GRK4: variants seen among roughly 807,000 people sequenced by gnomAD.
GRK4 encodes G protein-coupled receptor kinase 4, also known as G protein-coupled receptor kinase 2-like.
Under a neutral mutation model 77.9 loss-of-function variants are expected in GRK4, and 73 were observed. That is an observed-to-expected ratio of 0.94 (90% CI 0.78 to 1.14). GRK4 has a LOEUF of 1.14. Among genes scored for constraint, GRK4 ranks in the 50% most tolerant of loss-of-function variants. The probability of loss-of-function intolerance (pLI) is 0.00; values close to 1 mark genes in which losing one functional copy is unlikely to be tolerated. For synonymous variants in GRK4, 257 were observed against 254.4 expected (o/e 1.01, Z -0.10); for missense variants, 729 against 700.2 (o/e 1.04, Z -0.46).
chr4:2,990,228 ATTCTTC>A (rs1413330936), intron 3 of GRK4, among the ~76,000 whole-genome samples: 1 of 114,934 alleles, frequency 8.7e-6, no homozygotes. Flanking sequence ...GAATAAGGTG[ATTCTTC>A]TTCTTCTTCT....
intron 4 of GRK4, among the ~76,000 whole-genome samples, chr4:2,999,185 A>G (rs933777930): frequency 2.0e-5 from 3 of 152,186 alleles, no homozygotes; most frequent in South Asian, 2.1e-4. Flanking sequence ...AAGGAGTCCA[A>G]TCTAGTGAGA....
chr4:2,980,526 T>C lies in GRK4; in HGVS notation c.53-3987T>C, dbSNP rs561040177. 2.4e-4 allele frequency among the ~76,000 whole-genome samples: 36 copies of C among 151,684 alleles called. 1 individual carries two copies. The South Asian group carries it at 7.5e-3, about 32-fold the overall frequency. On this transcript the variant is annotated intron_variant, in intron 1 of 15. Coordinates refer to ENST00000398052, the MANE Select transcript of GRK4 (RefSeq NM_182982.3). ...CCTACTAGATGCTGAGATCTCAATG[T>C]GCAAATACCCCAGAACAGCACCTAG...
chr4:2,985,904 C>T (rs902062966), intron 2 of GRK4: 1 of 151,158 alleles, frequency 6.6e-6, no homozygotes, highest in Non-Finnish European at 1.4e-5. Flanking sequence ...GAAGCTGAGG[C>T]AGGAGAATGG....
intron 12 of GRK4, among the ~76,000 whole-genome samples, chr4:3,033,981 G>C (rs753352240): frequency 6.6e-6 from 1 of 152,260 alleles, no homozygotes; most frequent in Non-Finnish European, 1.5e-5. Context: ...GGGTATCACA[G>C]TGGGCCAGAG....
intron 1 of GRK4, among the ~76,000 whole-genome samples, chr4:2,964,735 G>A (rs1049462822): frequency 1.3e-5 from 2 of 152,176 alleles, no homozygotes; most frequent in Non-Finnish European, 2.9e-5. Flanking sequence ...TTTAAAAATA[G>A]TAATAAGTAC....
rs1731571039 is a variant in GRK4, at chr4:3,007,142, CAT to C, written c.444-593_444-592del. On this transcript the variant is annotated intron_variant, in intron 5 of 15. Transcript: ENST00000398052. ...GCTTGAGGCCAGGAGTTCAAGGCTGCATTGAGCCATGATTGTGCCATTGCACT... is the reference window on the plus strand; with the variant it reads ...GCTTGAGGCCAGGAGTTCAAGGCTGCTGAGCCATGATTGTGCCATTGCACT... 3.3e-5 allele frequency among the ~76,000 whole-genome samples: 5 copies of C among 152,166 alleles called. No homozygotes were observed. In the South Asian group the frequency reaches 1.0e-3, roughly 32 times the overall value.
At chr4:3,038,653 G>A (rs2110103431) in intron 15 of GRK4, 140 bp downstream of exon 15, 2 of 856,774 alleles carry the variant, frequency 2.3e-6, no homozygotes, top group Non-Finnish European at 3.5e-6. Context: ...GAGCCACATG[G>A]TGCTAGGTGG....
chr4:2,997,768 C>T (rs1728357213), intron 4 of GRK4, among the ~76,000 whole-genome samples: 1 of 151,818 alleles, frequency 6.6e-6, no homozygotes, highest in Non-Finnish European at 1.5e-5. Context: ...ATTAGCCGGC[C>T]ATGGTGGTGC....
At chr4:2,965,500 C>T (rs1717366828) in intron 1 of GRK4, 6 of 702,162 alleles carry the variant, frequency 8.5e-6, no homozygotes, top group Non-Finnish European at 1.6e-5. Flanking sequence ...TGCTCCAGGA[C>T]AGTGTAAATG....
intron 12 of GRK4, among the ~76,000 whole-genome samples, chr4:3,034,319 T>C (rs887746555): frequency 6.6e-6 from 1 of 152,172 alleles, no homozygotes; most frequent in African/African-American, 2.4e-5. Context: ...GGACTTTGAG[T>C]TGGCCAGGGA....
rs1262940451 is a variant in GRK4, at chr4:3,004,223, G to A, written c.340-8G>A. The A allele has an allele frequency of 2.5e-6, 4 of 1,589,680 alleles. No homozygotes were observed. The highest frequency in any genetic ancestry group is 1.1e-5 in the South Asian group (1 of 90,614). On this transcript the variant is annotated splice_polypyrimidine_tract_variant and splice_region_variant and intron_variant, in intron 4 of 15. Transcript: ENST00000398052. ...AATGGTTATGTATTTGGTTTGTACT[G>A]TATTAAGTTGGCAGCCCCTTTACCA...
chr4:3,015,155 T>TA (rs1404729687), intron 8 of GRK4, among the ~76,000 whole-genome samples: 1 of 152,168 alleles, frequency 6.6e-6, no homozygotes, highest in Non-Finnish European at 1.5e-5. Context: ...GTGCATTGTA[T>TA]AGTGTGGTTC....
At chr4:3,006,546 A>T (rs1330082437) in intron 5 of GRK4, among the ~76,000 whole-genome samples, 1 of 151,978 alleles carries the variant, frequency 6.6e-6, no homozygotes, top group African/African-American at 2.4e-5. Context: ...TTGGGAGGCC[A>T]AGGCAGAAGG....
chr4:2,983,775 G>T (rs141624839), intron 1 of GRK4, among the ~76,000 whole-genome samples: 2,732 of 152,206 alleles, frequency 0.018, 80 homozygotes, highest in African/African-American at 0.061. Flanking sequence ...CTGAGACTGG[G>T]TAATTTATAA....
intron 1 of GRK4, among the ~76,000 whole-genome samples, chr4:2,981,177 C>G (rs1722756971): frequency 6.6e-6 from 1 of 152,238 alleles, no homozygotes; most frequent in Non-Finnish European, 1.5e-5. Flanking sequence ...GGTCCTAAGT[C>G]TCGGCTCCCC....
chr4:2,980,769 TCAC>T (rs1386398599), intron 1 of GRK4, among the ~76,000 whole-genome samples: 1 of 152,224 alleles, frequency 6.6e-6, no homozygotes, highest in Non-Finnish European at 1.5e-5. Flanking sequence ...GGGTGTCACT[TCAC>T]CAGCTGGAGA....
At chr4:2,971,521 G>A (rs896659611) in intron 1 of GRK4, among the ~76,000 whole-genome samples, 2 of 152,214 alleles carry the variant, frequency 1.3e-5, no homozygotes, top group African/African-American at 2.4e-5. Flanking sequence ...CGGTAGGTAT[G>A]CCTGGATCTG....
intron 5 of GRK4, among the ~76,000 whole-genome samples, chr4:3,006,050 A>G (rs1731233176): frequency 6.6e-6 from 1 of 151,898 alleles, no homozygotes; most frequent in Admixed American, 6.6e-5. Flanking sequence ...TCCTCTGAAA[A>G]TGGATTAGAG....
chr4:3,035,325 G>A (rs1169032814), intron 12 of GRK4, 61 bp from the exon 13 acceptor site: 2 of 1,531,320 alleles, frequency 1.3e-6, no homozygotes, highest in South Asian at 1.1e-5. Context: ...TTATGCAGGG[G>A]AGTTTTGAGT....
Sources: allele counts gnomAD v4.1 joint callset (sites outside exome capture counted in the v4.1 genomes callset), GRCh38; gene constraint gnomAD v4.1.1; transcripts MANE v1.5; gene names NCBI Gene and HGNC (gene_info 2026-07-23, HGNC 2026-07-21).